The following SCYL2 variants were observed in gnomAD, a reference collection of about 807,000 sequenced individuals.
SCYL2 encodes SCY1-like protein 2.
A neutral mutation model predicts 100.4 loss-of-function variants in SCYL2; 36 were observed. The observed-to-expected ratio is 0.36, with a 90% CI of 0.27 to 0.47. SCYL2 has a LOEUF of 0.47. Among genes scored for constraint, SCYL2 ranks in the 20% least tolerant of loss-of-function variants. The pLI is 1.00. For missense variants in SCYL2, 902 were observed against 1,083.9 expected (o/e 0.83, Z 2.36); for synonymous variants, 330 against 359.2 (o/e 0.92, Z 0.92).
At chr12:100,311,870 G>A (rs565304630) in intron 5 of SCYL2, among the ~76,000 whole-genome samples, 115 of 152,276 alleles carry the variant, frequency 7.6e-4, no homozygotes, top group African/African-American at 2.5e-3. Flanking sequence ...CCTTATGATC[G>A]TTGGTGATAG....
At chr12:100,335,033 TTGTATGC>T (rs1370403175) in intron 14 of SCYL2, among the ~76,000 whole-genome samples, 1 of 152,074 alleles carries the variant, frequency 6.6e-6, no homozygotes. Context: ...AAATAGCCCT[TTGTATGC>T]TTGAAGTATT....
intron 10 of SCYL2, among the ~76,000 whole-genome samples, chr12:100,322,635 G>A (rs2096357397): frequency 6.6e-6 from 1 of 151,692 alleles, no homozygotes; most frequent in Non-Finnish European, 1.5e-5. Context: ...AAGGTAGGTG[G>A]ATCACCTGAG....
intron 10 of SCYL2, among the ~76,000 whole-genome samples, chr12:100,320,843 A>G (rs2096354983): frequency 6.6e-6 from 1 of 151,976 alleles, no homozygotes; most frequent in South Asian, 2.1e-4. Flanking sequence ...ACATAGGAAC[A>G]TAGTGTCCCA....
rs1270911656 is a variant in SCYL2, at chr12:100,341,583, A to C, written c.*2411A>C. The C allele has an allele frequency of 6.6e-6, 1 of 151,832 alleles. No individual in the cohort carries two copies. Among genetic ancestry groups the C allele is most frequent in the African/African-American group, 2.4e-5 (1 of 41,096 alleles). 9.4% of individuals were successfully genotyped at this position (151,832 alleles called of 1,614,324 possible). ...TAAGCCTCCTTTACACTGAATAAGG[A>C]AGTAGTTTTTGTTTTCTTTTGACCT... On this transcript the variant is annotated 3_prime_UTR_variant, in exon 18 of 18. Coordinates refer to ENST00000360820, the MANE Select transcript of SCYL2 (RefSeq NM_017988.6).
intron 1 of SCYL2, among the ~76,000 whole-genome samples, chr12:100,280,600 A>G (rs911926675): frequency 1.3e-5 from 2 of 152,184 alleles, no homozygotes; most frequent in African/African-American, 4.8e-5. Flanking sequence ...TTACCAAAGG[A>G]GAAAAGTTAA....
chr12:100,294,610 G>A lies in SCYL2; in HGVS notation c.335+2950G>A, dbSNP rs1435184138. On this transcript the variant is annotated intron_variant, in intron 3 of 17. Transcript: ENST00000360820. ...TCCCTCCTGGACAGGGTGGCTGGCC[G>A]GGCAGAGGGGCTCCTCACTTCCCAG... is the stretch of plus-strand genomic sequence containing the variant. Among the ~76,000 whole-genome samples, 165 of 141,524 alleles carry A rather than the reference G, an allele frequency of 1.2e-3. 5 individuals carry two copies. The highest frequency in any genetic ancestry group is 4.2e-3 in the African/African-American group (158 of 37,270). 92.8% of individuals were successfully genotyped at this position (141,524 alleles called of 152,430 possible).
chr12:100,285,701 A>T (rs1416296157), intron 2 of SCYL2, among the ~76,000 whole-genome samples: 1 of 152,208 alleles, frequency 6.6e-6, no homozygotes, highest in Non-Finnish European at 1.5e-5. Flanking sequence ...TTATACCATT[A>T]TATTTCTGTT....
chr12:100,288,425 A>C (rs1296865700), intron 2 of SCYL2, among the ~76,000 whole-genome samples: 2 of 152,140 alleles, frequency 1.3e-5, no homozygotes, highest in African/African-American at 4.8e-5. Context: ...TGGAATTACA[A>C]GCATGAGCCA....
chr12:100,338,442 C>G, intron 17 of SCYL2, 86 bp from the exon 18 acceptor site: 1 of 1,213,982 alleles, frequency 8.2e-7, no homozygotes, highest in Non-Finnish European at 1.1e-6. Context: ...CTAACTTGTC[C>G]TTTATAATTT....
chr12:100,322,061 GAAAA>G (rs1191329749), intron 10 of SCYL2, among the ~76,000 whole-genome samples: 2 of 126,352 alleles, frequency 1.6e-5, no homozygotes, highest in Non-Finnish European at 3.4e-5. Flanking sequence ...AAAAAAAAAA[GAAAA>G]AAAAACCCAA....
At chr12:100,290,762 A>G (rs900276760) in intron 2 of SCYL2, among the ~76,000 whole-genome samples, 21 of 152,284 alleles carry the variant, frequency 1.4e-4, no homozygotes, top group Non-Finnish European at 2.6e-4. Flanking sequence ...CGTTATTACC[A>G]AGAACACACA....
At chr12:100,326,550 G>A (rs2096362043) in intron 11 of SCYL2, 72 bp from the exon 12 acceptor site, 2 of 1,095,652 alleles carry the variant, frequency 1.8e-6, no homozygotes, top group South Asian at 1.8e-5. Context: ...TGAAGATTAA[G>A]TTTACACTTA....
chr12:100,332,316 C>T (rs1481037466), intron 13 of SCYL2, among the ~76,000 whole-genome samples: 2 of 152,156 alleles, frequency 1.3e-5, no homozygotes, highest in African/African-American at 2.4e-5. Context: ...CAGCATAGAA[C>T]ATATTCTTTG....
chr12:100,333,798 C>G (rs1407797028), intron 13 of SCYL2: 1 of 154,972 alleles, frequency 6.5e-6, no homozygotes, highest in South Asian at 2.0e-4. Flanking sequence ...CTAGAAGGCA[C>G]AAATTCAGAT....
At chr12:100,274,291 T>G (rs1462990645) in intron 1 of SCYL2, among the ~76,000 whole-genome samples, 2 of 152,254 alleles carry the variant, frequency 1.3e-5, no homozygotes, top group African/African-American at 2.4e-5. Flanking sequence ...TGCACATTTT[T>G]TAAGTTGATC....
Position 100,340,535 on chromosome 12 carries a change from AATAAACC to A in SCYL2, c.*1367_*1373del, listed in dbSNP as rs1952339914. 6.6e-6 allele frequency: 1 copy of A among 152,120 alleles called. No homozygotes were observed. The highest frequency in any genetic ancestry group is 2.4e-5 in the African/African-American group (1 of 41,470). 9.4% of individuals were successfully genotyped at this position (152,120 alleles called of 1,614,324 possible). On this transcript the variant is annotated 3_prime_UTR_variant, in exon 18 of 18. Transcript: ENST00000360820. ...TTATCTGGAACCAGCAATCATTTAA[AATAAACC>A]ATATTAAGTTTAGTATGCTGGTATT...
intron 10 of SCYL2, among the ~76,000 whole-genome samples, chr12:100,320,763 C>T (rs2135916531): frequency 6.6e-6 from 1 of 152,092 alleles, no homozygotes; most frequent in Non-Finnish European, 1.5e-5. Flanking sequence ...GGGGTCCTTT[C>T]CTGTAAGTCT....
intron 2 of SCYL2, among the ~76,000 whole-genome samples, chr12:100,287,272 TTTGTTGTTGTTG>T (rs553036903): frequency 8.5e-5 from 13 of 152,082 alleles, no homozygotes; most frequent in African/African-American, 1.4e-4. Flanking sequence ...TTCTTTGGTT[TTTGTTGTTGTTG>T]TTGTTGTTGT....
At chr12:100,338,085 A>G (rs79924209) in intron 17 of SCYL2, among the ~76,000 whole-genome samples, 3,760 of 152,204 alleles carry the variant, frequency 0.025, 151 homozygotes, top group African/African-American at 0.085. Flanking sequence ...AATCACTAAC[A>G]TTTTCTCTGA....
Sources: gnomAD v4.1 joint callset for allele counts (sites outside exome capture counted in the v4.1 genomes callset) on GRCh38, gnomAD v4.1.1 for gene constraint, MANE v1.5 for transcripts, NCBI Gene and HGNC (gene_info 2026-07-23, HGNC 2026-07-21) for gene names.